HSCB: variants seen among roughly 807,000 people sequenced by gnomAD.
The protein encoded by HSCB is HscB mitochondrial iron-sulfur cluster cochaperone, also known as iron-sulfur cluster co-chaperone protein HscB.
HSCB carries 23 observed loss-of-function variants against 31.3 expected under a neutral mutation model. The observed-to-expected ratio is 0.74, with a 90% CI of 0.53 to 1.04. The LOEUF (loss-of-function observed/expected upper bound fraction) is 1.04, where lower values mean the gene tolerates loss of function less well. Among genes scored for constraint, HSCB ranks in the 50% least tolerant of loss-of-function variants. HSCB has a pLI of 0.00. For missense variants in HSCB, 297 were observed against 288.1 expected, an observed-to-expected ratio of 1.03 and a Z score of -0.22; for synonymous variants, 110 against 104.5, an observed-to-expected ratio of 1.05 and a Z score of -0.32.
intron 5 of HSCB, among the ~76,000 whole-genome samples, chr22:28,753,425 G>A (rs182963169): frequency 3.3e-5 from 5 of 152,100 alleles, no homozygotes; most frequent in Admixed American, 3.3e-4. Flanking sequence ...CTACTCAGGA[G>A]GCTGAGGCAG....
At chr22:28,756,727 C>T (rs572633694) in intron 5 of HSCB, among the ~76,000 whole-genome samples, 2 of 152,144 alleles carry the variant, frequency 1.3e-5, no homozygotes, top group East Asian at 3.9e-4. Context: ...TTCCTGGGCT[C>T]AAGCCATCCT....
intron 1 of HSCB, 34 bp from the exon 2 acceptor site, chr22:28,743,848 G>T (rs760397513): frequency 1.4e-5 from 21 of 1,538,802 alleles, no homozygotes; most frequent in Non-Finnish European, 1.8e-5. Context: ...TTAAATATTT[G>T]TTGTATAAAT....
intron 5 of HSCB, among the ~76,000 whole-genome samples, chr22:28,754,810 T>C (rs1378541094): frequency 6.6e-6 from 1 of 151,894 alleles, no homozygotes; most frequent in Non-Finnish European, 1.5e-5. Context: ...TTTTTTTTTT[T>C]TTTGAGACTG....
intron 3 of HSCB, 82 bp downstream of exon 3, chr22:28,744,786 C>T (rs958734216): frequency 5.5e-6 from 6 of 1,093,598 alleles, no homozygotes; most frequent in African/African-American, 3.1e-5. Flanking sequence ...CTTTATTCAG[C>T]AGAAGAGTGC....
chr22:28,754,250 T>C (rs955409048), intron 5 of HSCB, among the ~76,000 whole-genome samples: 9 of 152,208 alleles, frequency 5.9e-5, no homozygotes, highest in African/African-American at 1.9e-4. Context: ...TCCACTTATA[T>C]GAGGTACCTG....
chr22:28,744,577 T>A (rs1314952087), intron 2 of HSCB, 38 bp from the exon 3 acceptor site: 5 of 1,441,974 alleles, frequency 3.5e-6, no homozygotes, highest in Non-Finnish European at 4.9e-6. Context: ...ACTTTGTGAT[T>A]TGGATGGTAA....
At chr22:28,744,010 A>G (rs2054641137) in intron 2 of HSCB, 32 bp downstream of exon 2, 1 of 1,460,222 alleles carries the variant, frequency 6.8e-7, no homozygotes. Flanking sequence ...ATAATCCCCA[A>G]ATATGTGTGC....
At chr22:28,746,637 C>T (rs1044046487) in intron 4 of HSCB, among the ~76,000 whole-genome samples, 24 of 151,818 alleles carry the variant, frequency 1.6e-4, no homozygotes, top group Admixed American at 5.9e-4. Flanking sequence ...TGGTGGCTCA[C>T]GCCTGTAATC....
intron 3 of HSCB, chr22:28,745,529 A>G (rs993027676): frequency 6.2e-6 from 1 of 162,014 alleles, no homozygotes; most frequent in Non-Finnish European, 1.3e-5. Flanking sequence ...CCTGGGCGAC[A>G]GAGTGAGACT....
chr22:28,756,173 G>A (rs563708047), intron 5 of HSCB, among the ~76,000 whole-genome samples: 144 of 151,960 alleles, frequency 9.5e-4, no homozygotes, highest in African/African-American at 3.2e-3. Flanking sequence ...GGTTGAACCC[G>A]GGAGGTGGAG....
rs768337799 is a variant in HSCB at position 28,743,940 on chromosome 22, C to T, written c.295C>T (p.Arg99Cys). ...CCAGCACAGGTACCAGCAACTGCAG[C>T]GTCTTGTCCACCCAGATTTCTTCAG... Reference protein sequence around the residue: ...KLQHRYQQLQRLVHPDFFSQR... With the variant: ...KLQHRYQQLQCLVHPDFFSQR... Residue 99 changes from arginine (R) to cysteine (C), a missense_variant, in exon 2 of 6, where the codon CGT becomes TGT. By Grantham distance (180) the Arg-to-Cys change is radical. Coordinates refer to ENST00000216027, the MANE Select transcript of HSCB (RefSeq NM_172002.5). 11 of 1,614,164 alleles carry T rather than the reference C, an allele frequency of 6.8e-6. No individual in the cohort carries two copies. Among genetic ancestry groups the T allele is most frequent in the Non-Finnish European group, 9.3e-6 (11 of 1,180,000 alleles).
chr22:28,751,531 A>G (rs1463758160), intron 5 of HSCB, among the ~76,000 whole-genome samples: 1 of 152,158 alleles, frequency 6.6e-6, no homozygotes, highest in Non-Finnish European at 1.5e-5. Flanking sequence ...GCGGATCACG[A>G]AGTCAGGAGA....
chr22:28,750,865 T>A lies in HSCB; in HGVS notation c.569-376T>A, dbSNP rs141364949. Among the ~76,000 whole-genome samples, 437 of 151,858 alleles carry A rather than the reference T, an allele frequency of 2.9e-3. 3 individuals are homozygous for A. The highest frequency in any genetic ancestry group is 0.017 in the Middle Eastern group (5 of 292). ...TCAGTAATGCTTTACTGATAGGTGT[T>A]CCCAGCATGTTAATGTTCTCCTTGC... On this transcript the variant is annotated intron_variant, in intron 4 of 5. Coordinates refer to ENST00000216027, the MANE Select transcript of HSCB (RefSeq NM_172002.5).
At chr22:28,755,030 A>G (rs78411830) in intron 5 of HSCB, among the ~76,000 whole-genome samples, 34,679 of 149,782 alleles carry the variant, frequency 0.23, 4,303 homozygotes, top group East Asian at 0.41. Context: ...TCCTGACCTC[A>G]TGATCCGCCC....
intron 1 of HSCB, 188 bp downstream of exon 1, chr22:28,742,519 G>A (rs1047037078): frequency 2.9e-5 from 31 of 1,059,650 alleles, no homozygotes; most frequent in Non-Finnish European, 6.6e-6. Flanking sequence ...GGGACTGAGG[G>A]AAGCAACGTT....
chr22:28,754,614 G>A (rs2030477651), intron 5 of HSCB, among the ~76,000 whole-genome samples: 1 of 151,896 alleles, frequency 6.6e-6, no homozygotes, highest in Non-Finnish European at 1.5e-5. Flanking sequence ...AGGCTGCAGT[G>A]AGCCAAGATC....
In HSCB at chr22:28,742,996, C is replaced by T. The variant is rs17882914; in HGVS notation, c.236+665C>T. ...GTGAAAGGGGCTGAATTAAAATAAA[C>T]CGGGAGAGACAGGGATGAAGGGACC... On this transcript the variant is annotated intron_variant, in intron 1 of 5. Coordinates refer to ENST00000216027, the MANE Select transcript of HSCB (RefSeq NM_172002.5). Among the ~76,000 whole-genome samples the T allele has an allele frequency of 4.1e-4, 62 of 152,038 alleles. 2 individuals are homozygous for T. The South Asian group carries it at 8.7e-3, about 21-fold the overall frequency.
rs533699899 is a variant in HSCB at position 28,746,083 on chromosome 22, C to T, written c.568+75C>T. 9.9e-5 allele frequency: 145 copies of T among 1,462,978 alleles called. No homozygotes were observed. In the South Asian group the frequency reaches 1.4e-3, roughly 14 times the overall value. 90.6% of individuals were successfully genotyped at this position (1,462,978 alleles called of 1,614,324 possible). ...TGTCCAAGGATTAGTGAAAAATGAACGTAGAGTATATAATGGCCCGGGTGC... is the reference window on the plus strand; with the variant it reads ...TGTCCAAGGATTAGTGAAAAATGAATGTAGAGTATATAATGGCCCGGGTGC... On this transcript the variant is annotated intron_variant, in intron 4 of 5. Coordinates refer to ENST00000216027, the MANE Select transcript of HSCB (RefSeq NM_172002.5).
chr22:28,751,059 T>TTG (rs978726091), intron 4 of HSCB, among the ~76,000 whole-genome samples, 182 bp from the exon 5 acceptor site: 1 of 149,802 alleles, frequency 6.7e-6, no homozygotes, highest in Non-Finnish European at 1.5e-5. Context: ...TAAACCAGAG[T>TTG]TGTGCTAAAC....
Sources: allele counts gnomAD v4.1 joint callset (sites outside exome capture counted in the v4.1 genomes callset), GRCh38; gene constraint gnomAD v4.1.1; transcripts MANE v1.5; gene names NCBI Gene and HGNC (gene_info 2026-07-23, HGNC 2026-07-21).